IFT122: variants seen among roughly 807,000 people sequenced by gnomAD.
IFT122 encodes the protein intraflagellar transport protein 122 homolog.
Under a neutral mutation model 161.6 loss-of-function variants are expected in IFT122, and 118 were observed. That is an observed-to-expected ratio of 0.73 (90% confidence interval 0.63 to 0.85). The LOEUF (loss-of-function observed/expected upper bound fraction) is 0.85, where lower values mean the gene tolerates loss of function less well. Ranked by LOEUF, IFT122 falls within the 40% of genes least tolerant of loss-of-function variation. The pLI is 0.00. For missense variants in IFT122, 1,381 were observed against 1,579.6 expected (o/e 0.87, Z 2.13); for synonymous variants, 550 against 602.4 (o/e 0.91, Z 1.27).
chr3:129,468,045 G>A (rs546540924), intron 8 of IFT122, among the ~76,000 whole-genome samples: 1 of 152,364 alleles, frequency 6.6e-6, no homozygotes, highest in East Asian at 1.9e-4. Flanking sequence ...TCACTGGTGG[G>A]CTGGGCTCCT....
In IFT122 at chr3:129,506,691, G is replaced by A. The variant is rs113588550; in HGVS notation, c.2791+142G>A. On this transcript the variant is annotated intron_variant, in intron 22 of 29. Transcript: ENST00000348417. ...GTCCATAAGCCTGCCTTGCAGTGGC[G>A]TAATCTGGTGTATCATCTTTTTCCA... 9.6e-4 allele frequency: 1,126 copies of A among 1,174,638 alleles called. 8 individuals are homozygous for A. In the African/African-American group the frequency reaches 0.015, roughly 15 times the overall value. The allele number at this position is 1,174,638 out of a possible 1,614,324, so 72.8% of individuals were successfully genotyped here.
At chr3:129,456,888 C>T (rs577740740) in intron 3 of IFT122, among the ~76,000 whole-genome samples, 36 of 152,284 alleles carry the variant, frequency 2.4e-4, no homozygotes, top group African/African-American at 7.9e-4. Context: ...TGCACTATAG[C>T]CTGGGCAACA....
rs548347853 is a variant in IFT122 at position 129,443,793 on chromosome 3, A to G, written c.41+3422A>G. ...TTAGATTGGGGCAAATCAGACATATATGATATATTTTAGGAAGGCAAATTT... is the reference window on the plus strand; with the variant it reads ...TTAGATTGGGGCAAATCAGACATATGTGATATATTTTAGGAAGGCAAATTT... On this transcript the variant is annotated intron_variant, in intron 1 of 29. Coordinates refer to ENST00000348417, the MANE Select transcript of IFT122 (RefSeq NM_052989.3). 2.4e-4 allele frequency among the ~76,000 whole-genome samples: 36 copies of G among 152,352 alleles called. No homozygotes were observed. The South Asian group carries it at 7.0e-3, about 30-fold the overall frequency.
rs1166208453 is a variant in IFT122 at position 129,440,323 on chromosome 3, A to G, written c.-8A>G. ...GTAGGAGGAGCCCGAGCCGTAAGGGAAGCCGTGATGAGGGCCGTGTTGACG... is the reference window on the plus strand; with the variant it reads ...GTAGGAGGAGCCCGAGCCGTAAGGGGAGCCGTGATGAGGGCCGTGTTGACG... On this transcript the variant is annotated 5_prime_UTR_variant, in exon 1 of 30. Transcript: ENST00000348417. 6.4e-7 allele frequency: 1 copy of G among 1,550,628 alleles called. No individual in the cohort carries two copies. Among genetic ancestry groups the G allele is most frequent in the Non-Finnish European group, 8.7e-7 (1 of 1,146,842 alleles).
In IFT122 at chr3:129,440,338, C is replaced by T; in HGVS notation, c.8C>T (p.Ala3Val). The change falls in exon 1 of 30, where the codon GCC becomes GTC. Residue 3 changes from alanine (A) to valine (V), a missense_variant. Physicochemically the swap from Ala to Val is moderately conservative, Grantham distance 64. Around this residue, in one of 7 missense-constraint regions of IFT122, gnomAD observed 134 missense variants for 137.4 expected, o/e 0.98. Coordinates refer to ENST00000348417, the MANE Select transcript of IFT122 (RefSeq NM_052989.3). MR[A>V]VLTWRDKAEH... ...GCCGTAAGGGAAGCCGTGATGAGGGCCGTGTTGACGTGGAGAGATAAAGCC... is the reference window on the plus strand; with the variant it reads ...GCCGTAAGGGAAGCCGTGATGAGGGTCGTGTTGACGTGGAGAGATAAAGCC... 6.4e-7 allele frequency: 1 copy of T among 1,550,914 alleles called. No homozygotes were observed. The highest frequency in any genetic ancestry group is 8.7e-7 in the Non-Finnish European group (1 of 1,146,846).
At position 129,502,697 on chromosome 3, in the gene IFT122, C is replaced by G; in HGVS notation, c.2376-14C>G. On this transcript the variant is annotated splice_polypyrimidine_tract_variant and intron_variant, in intron 19 of 29. Coordinates refer to ENST00000348417, the MANE Select transcript of IFT122 (RefSeq NM_052989.3). Reference sequence around the variant, plus strand: ...CCCAGAGCCCACCCTCCTACCTGCCCCTTCCCTCTCCAGGTTGATCGACAT... The same window carrying G: ...CCCAGAGCCCACCCTCCTACCTGCCGCTTCCCTCTCCAGGTTGATCGACAT... 1 of 1,604,524 alleles carries G rather than the reference C, an allele frequency of 6.2e-7. No homozygotes were observed. The highest frequency in any genetic ancestry group is 8.5e-7 in the Non-Finnish European group (1 of 1,179,980).
intron 8 of IFT122, 137 bp from the exon 9 acceptor site, chr3:129,469,205 T>C (rs1402246446): frequency 1.3e-6 from 1 of 741,580 alleles, no homozygotes; most frequent in East Asian, 2.6e-5. Context: ...AAATTATAAC[T>C]TTTGGCTTCA....
intron 4 of IFT122, among the ~76,000 whole-genome samples, chr3:129,459,979 T>G (rs1267880386): frequency 1.3e-5 from 2 of 151,930 alleles, no homozygotes; most frequent in South Asian, 4.2e-4. Context: ...CCTGTACTGG[T>G]CTTGAACTCC....
intron 3 of IFT122, among the ~76,000 whole-genome samples, chr3:129,458,166 AATT>A (rs1312821489): frequency 6.6e-6 from 1 of 152,224 alleles, no homozygotes; most frequent in African/African-American, 2.4e-5. Flanking sequence ...AAGTAGATAT[AATT>A]ATTATTTGTC....
chr3:129,477,683 A>G (rs1022498494), intron 11 of IFT122, among the ~76,000 whole-genome samples: 4 of 152,184 alleles, frequency 2.6e-5, no homozygotes, highest in Non-Finnish European at 4.4e-5. Flanking sequence ...GCCAGAGGTG[A>G]GGTCAGTTAC....
At position 129,506,258 on chromosome 3, in the gene IFT122, A is replaced by AGC. The variant is rs1301244169; in HGVS notation, c.2651-148_2651-147dup. ...GGATGTAGCCTTGGTTATTTAGAGA[A>AGC]GCGCCATCCCAGCAACGAAGCACTG... On this transcript the variant is annotated intron_variant, in intron 21 of 29. Coordinates refer to ENST00000348417, the MANE Select transcript of IFT122 (RefSeq NM_052989.3). 5 of 845,860 alleles carry AGC rather than the reference A, an allele frequency of 5.9e-6. No individual in the cohort carries two copies. The East Asian group carries it at 1.0e-4, about 17-fold the overall frequency. 52.4% of individuals were successfully genotyped at this position (845,860 alleles called of 1,614,324 possible).
intron 1 of IFT122, among the ~76,000 whole-genome samples, chr3:129,443,764 G>A (rs1018146602): frequency 1.3e-5 from 2 of 152,236 alleles, no homozygotes; most frequent in Non-Finnish European, 2.9e-5. Context: ...AGTACATTAA[G>A]AGTTTAGATT....
chr3:129,461,250 G>A lies in IFT122; in HGVS notation c.295G>A (p.Val99Ile). ...KYTHNDAIQC[V>I]SYNPITHQLA... ...CAGGCACAATGATGCTATACAATGTGTCTCCTACAATCCTATTACTCATCA... is the reference window on the plus strand; with the variant it reads ...CAGGCACAATGATGCTATACAATGTATCTCCTACAATCCTATTACTCATCA... Residue 99 changes from valine (V) to isoleucine (I), a missense_variant, in exon 5 of 30, where the codon GTC (valine) becomes ATC (isoleucine). Transcript: ENST00000348417. 1 of 1,613,602 alleles carries A rather than the reference G, an allele frequency of 6.2e-7. No homozygotes were observed. Among genetic ancestry groups the A allele is most frequent in the Non-Finnish European group, 8.5e-7 (1 of 1,179,510 alleles).
intron 8 of IFT122, among the ~76,000 whole-genome samples, chr3:129,469,130 C>T (rs1221760633): frequency 1.3e-5 from 2 of 152,210 alleles, no homozygotes; most frequent in African/African-American, 4.8e-5. Flanking sequence ...AGTGAAACAG[C>T]AGATCCCAGG....
chr3:129,520,128 T>C, intron 29 of IFT122, 48 bp from the exon 30 acceptor site: 1 of 1,507,800 alleles, frequency 6.6e-7, no homozygotes, highest in South Asian at 1.2e-5. Flanking sequence ...GGCGTAGGGC[T>C]GATGAGCACT....
intron 13 of IFT122, 116 bp downstream of exon 13, chr3:129,480,038 C>A: frequency 7.7e-7 from 1 of 1,296,388 alleles, no homozygotes; most frequent in Non-Finnish European, 1.1e-6. Context: ...TTCTCTCCTC[C>A]ATGGGTGAAT....
chr3:129,449,648 G>A (rs777211509), intron 1 of IFT122, among the ~76,000 whole-genome samples: 44 of 152,202 alleles, frequency 2.9e-4, no homozygotes, highest in Admixed American at 2.2e-3. Context: ...CTGGACAAGA[G>A]GAAATCAGGA....
chr3:129,488,084 G>A (rs1247676488), intron 15 of IFT122, 173 bp from the exon 16 acceptor site: 12 of 947,652 alleles, frequency 1.3e-5, no homozygotes, highest in Non-Finnish European at 1.7e-5. Context: ...GTGCAGGATG[G>A]AGCACACAGG....
intron 12 of IFT122, 111 bp from the exon 13 acceptor site, chr3:129,479,674 A>G: frequency 1.5e-6 from 2 of 1,318,020 alleles, no homozygotes; most frequent in Non-Finnish European, 2.2e-6. Flanking sequence ...AGATAGATGG[A>G]TACTGAATGT....
Sources: allele counts gnomAD v4.1 joint callset (sites outside exome capture counted in the v4.1 genomes callset), GRCh38; gene constraint gnomAD v4.1.1; regional missense constraint gnomAD v4.1.1; transcripts MANE v1.5; gene names NCBI Gene and HGNC (gene_info 2026-07-23, HGNC 2026-07-21).